Variants in MAPK10 observed in about 807,000 individuals in gnomAD.
The protein encoded by MAPK10 is mitogen-activated protein kinase 10.
MAPK10 carries 25 observed loss-of-function variants against 59.3 expected under a neutral mutation model. The observed-to-expected ratio is 0.42, with a 90% confidence interval of 0.31 to 0.59. The LOEUF is 0.59. Among genes scored for constraint, MAPK10 ranks in the 20% least tolerant of loss-of-function variants. MAPK10 has a pLI of 0.15. For synonymous variants in MAPK10, 190 were observed against 200.5 expected (o/e 0.95, Z 0.44); for missense variants, 351 against 568.9 (o/e 0.62, Z 3.90).
chr4:86,484,846 A>G lies in MAPK10; in HGVS notation c.-263+109064T>C, dbSNP rs1018334957. 2.0e-5 allele frequency among the ~76,000 whole-genome samples: 3 copies of G among 152,228 alleles called. No homozygotes were observed. In the East Asian group the frequency reaches 5.8e-4, roughly 29 times the overall value. ...TCCAAAGCCCACACTGTTTCTTATAACACAGAATATACTGCACCGGTCTCT... is the reference window on the plus strand; with the variant it reads ...TCCAAAGCCCACACTGTTTCTTATAGCACAGAATATACTGCACCGGTCTCT... On this transcript the variant is annotated intron_variant, in intron 1 of 4. Transcript: ENST00000502302.
chr4:86,145,735 T>C (rs949136965), intron 4 of MAPK10, among the ~76,000 whole-genome samples: 1 of 152,156 alleles, frequency 6.6e-6, no homozygotes, highest in African/African-American at 2.4e-5. Context: ...TTTCTTCTTC[T>C]GTCTCTCTGT....
rs550463677 is a variant in MAPK10 at position 86,339,508 on chromosome 4, A to G, written c.-7+15022T>C. Among the ~76,000 whole-genome samples, 281 of 152,368 alleles carry G rather than the reference A, an allele frequency of 1.8e-3. 1 individual carries two copies. The highest frequency in any genetic ancestry group is 6.6e-3 in the African/African-American group (274 of 41,584). ...TTCAGGGTTTGAAAAAGGTCAGGAC[A>G]CAGTGAGAGCCTCAGTCATTAGCCT... On this transcript the variant is annotated intron_variant, in intron 2 of 13. Transcript: ENST00000641462.
At chr4:86,284,093 T>C (rs1361925711) in intron 2 of MAPK10, among the ~76,000 whole-genome samples, 1 of 152,196 alleles carries the variant, frequency 6.6e-6, no homozygotes, top group Non-Finnish European at 1.5e-5. Flanking sequence ...ATAATAGCTA[T>C]TATTTATTGA....
At chr4:86,047,402 G>A (rs980446874) in intron 11 of MAPK10, among the ~76,000 whole-genome samples, 1 of 152,090 alleles carries the variant, frequency 6.6e-6, no homozygotes, top group African/African-American at 2.4e-5. Context: ...TAAAGGGGGA[G>A]CTTGCTTGGT....
chr4:86,550,374 T>TAAAAAAAAAAAAAAAAAAAAAAA (rs753508493), intron 1 of MAPK10, among the ~76,000 whole-genome samples: 1 of 77,380 alleles, frequency 1.3e-5, no homozygotes, highest in Non-Finnish European at 2.3e-5. Flanking sequence ...GAGCTTCAGT[T>TAAAAAAAAAAAAAAAAAAAAAAA]AAAAAAAAAA....
intron 2 of MAPK10, among the ~76,000 whole-genome samples, chr4:86,309,078 G>GA (rs1320393893): frequency 6.6e-6 from 1 of 151,864 alleles, no homozygotes; most frequent in African/African-American, 2.4e-5. Flanking sequence ...CATTAAAATG[G>GA]AAAAAAATAA....
chr4:86,168,594 G>A (rs1329429438), intron 3 of MAPK10, among the ~76,000 whole-genome samples: 2 of 152,164 alleles, frequency 1.3e-5, no homozygotes, highest in East Asian at 3.9e-4. Flanking sequence ...ACAGCTCAAG[G>A]AGGCCTGCCT....
At position 86,017,486 on chromosome 4, in the gene MAPK10, T is replaced by G. The variant is rs1166600102; in HGVS notation, c.1253-116A>C. On this transcript the variant is annotated intron_variant, in intron 13 of 13. Coordinates refer to ENST00000641462, the MANE Select transcript of MAPK10 (RefSeq NM_138982.4). This position sits in a 1 kb window ranked among gnomAD's most constrained non-coding sequence, Gnocchi z 4.4. ...AGGGGATGTCCAGTCCATCAATCAT[T>G]TGGCAAGCCTTTATAGAGCAGCTGA... The G allele has an allele frequency of 1.2e-5, 14 of 1,147,892 alleles. No individual in the cohort carries two copies. The East Asian group carries it at 3.4e-4, about 28-fold the overall frequency. The allele number at this position is 1,147,892 out of a possible 1,614,324, so 71.1% of individuals were successfully genotyped here.
intron 1 of MAPK10, among the ~76,000 whole-genome samples, chr4:86,427,551 A>T (rs140914437): frequency 6.6e-6 from 1 of 152,184 alleles, no homozygotes; most frequent in Non-Finnish European, 1.5e-5. Context: ...ATCCCACATC[A>T]GGTGCCCAAT....
At chr4:86,276,456 T>TA (rs888977627) in intron 2 of MAPK10, among the ~76,000 whole-genome samples, 1 of 137,996 alleles carries the variant, frequency 7.2e-6, no homozygotes, top group African/African-American at 3.0e-5. Flanking sequence ...ACCCAATGTT[T>TA]AAAAAAAAGA....
intron 1 of MAPK10, among the ~76,000 whole-genome samples, chr4:86,422,824 T>A (rs942671697): frequency 6.6e-6 from 1 of 152,120 alleles, no homozygotes; most frequent in African/African-American, 2.4e-5. Flanking sequence ...CCTGTTAAGA[T>A]AACGAAAAGT....
At chr4:86,225,633 GC>G (rs1031113935) in intron 2 of MAPK10, among the ~76,000 whole-genome samples, 1 of 152,050 alleles carries the variant, frequency 6.6e-6, no homozygotes, top group African/African-American at 2.4e-5. Context: ...TTTGGGACCC[GC>G]CCCCCAACAC....
chr4:86,364,676 G>A (rs993771938), upstream of MAPK10, among the ~76,000 whole-genome samples: 6 of 151,984 alleles, frequency 3.9e-5, no homozygotes, highest in East Asian at 1.9e-4. Flanking sequence ...TCCCATTCCC[G>A]GTTGGATAAA....
intron 1 of MAPK10, among the ~76,000 whole-genome samples, chr4:86,372,540 GA>G (rs1267011292): frequency 1.7e-3 from 98 of 57,798 alleles, no homozygotes; most frequent in Middle Eastern, 0.013. Flanking sequence ...AAGAAAGAAA[GA>G]AAGAAAGAAA....
intron 13 of MAPK10, chr4:86,023,944 A>C (rs1266134916): frequency 2.0e-5 from 3 of 150,512 alleles, no homozygotes; most frequent in Non-Finnish European, 4.4e-5. Flanking sequence ...TTTAAAAATA[A>C]CTGGTTTTAT....
At chr4:86,312,967 G>A (rs551808340) in intron 2 of MAPK10, among the ~76,000 whole-genome samples, 8 of 151,966 alleles carry the variant, frequency 5.3e-5, no homozygotes, top group South Asian at 4.1e-4. Context: ...ATTGTTTTTC[G>A]CAAGTATATA....
At chr4:86,228,013 C>A (rs558788352) in intron 2 of MAPK10, among the ~76,000 whole-genome samples, 3 of 151,826 alleles carry the variant, frequency 2.0e-5, no homozygotes, top group African/African-American at 7.3e-5. Flanking sequence ...GGAGGTGAGA[C>A]GAAAGAGCAT....
At chr4:86,066,752 CAAAAAAAAAAA>C (rs60413311) in intron 10 of MAPK10, among the ~76,000 whole-genome samples, 1 of 86,528 alleles carries the variant, frequency 1.2e-5, no homozygotes, top group Non-Finnish European at 2.3e-5. Flanking sequence ...GACTCTGTCT[CAAAAAAAAAAA>C]AAAAAAAAAA....
intron 1 of MAPK10, among the ~76,000 whole-genome samples, chr4:86,553,930 C>CA (rs1760059799): frequency 6.7e-6 from 1 of 150,324 alleles, no homozygotes; most frequent in Non-Finnish European, 1.5e-5. Context: ...TATTAAGAGA[C>CA]AGAGTCTTAT....
Sources: gnomAD v4.1 joint callset for allele counts (sites outside exome capture counted in the v4.1 genomes callset) on GRCh38, gnomAD v4.1.1 for gene constraint, Gnocchi (gnomAD v3.1) non-coding constraint, MANE v1.5 for transcripts, NCBI Gene and HGNC (gene_info 2026-07-23, HGNC 2026-07-21) for gene names.